Variants in PRR11 observed in about 807,000 individuals in gnomAD.
The protein encoded by PRR11 is proline-rich protein 11.
In PRR11, 30 loss-of-function variants were observed where a neutral mutation model predicts 45.6. The ratio of observed to expected loss-of-function variants is 0.66; its 90% CI spans 0.49 to 0.89. The LOEUF (loss-of-function observed/expected upper bound fraction) is 0.89, where lower values mean the gene tolerates loss of function less well. Ranked by LOEUF, PRR11 falls within the 40% of genes least tolerant of loss-of-function variation. PRR11 has a pLI of 0.00. For synonymous variants in PRR11, 128 were observed against 153.5 expected (o/e 0.83, Z 1.23); for missense variants, 373 against 424.8 (o/e 0.88, Z 1.07).
At chr17:59,183,182 C>T (rs542588238) in intron 2 of PRR11, among the ~76,000 whole-genome samples, 2 of 152,328 alleles carry the variant, frequency 1.3e-5, no homozygotes, top group South Asian at 4.1e-4. Context: ...TCTCCTGCCA[C>T]TGTCCCAACC....
intron 9 of PRR11, among the ~76,000 whole-genome samples, chr17:59,201,217 A>G (rs890677315): frequency 6.6e-6 from 1 of 152,108 alleles, no homozygotes; most frequent in Non-Finnish European, 1.5e-5. Flanking sequence ...GGCAGTAGGA[A>G]GTCCACAACT....
intron 1 of PRR11, among the ~76,000 whole-genome samples, chr17:59,156,919 G>C (rs1270618910): frequency 1.3e-5 from 2 of 152,156 alleles, no homozygotes; most frequent in Admixed American, 1.3e-4. Context: ...GAGCCACCAC[G>C]CTCGGCCGCA....
intron 1 of PRR11, among the ~76,000 whole-genome samples, chr17:59,165,916 T>G (rs1205983531): frequency 6.6e-6 from 1 of 152,198 alleles, no homozygotes; most frequent in African/African-American, 2.4e-5. Flanking sequence ...AAAGGTGAAG[T>G]CAGCCAACTA....
intron 1 of PRR11, among the ~76,000 whole-genome samples, chr17:59,162,961 C>CTCAGGTGA (rs2046661149): frequency 6.6e-6 from 1 of 152,066 alleles, no homozygotes; most frequent in Non-Finnish European, 1.5e-5. Context: ...AACTCCCGAC[C>CTCAGGTGA]TCAGGTGATC....
At chr17:59,168,541 C>T (rs112031406) in intron 1 of PRR11, among the ~76,000 whole-genome samples, 194 of 151,962 alleles carry the variant, frequency 1.3e-3, no homozygotes, top group Non-Finnish European at 2.2e-3. Flanking sequence ...TTTGGGATTA[C>T]GCCACCAGTG....
intron 7 of PRR11, among the ~76,000 whole-genome samples, chr17:59,196,521 C>T (rs746898385): frequency 2.0e-5 from 3 of 152,000 alleles, no homozygotes; most frequent in Non-Finnish European, 2.9e-5. Context: ...GGATTACAGG[C>T]GTGTGCCACA....
chr17:59,172,213 G>A (rs2046712752), intron 2 of PRR11, among the ~76,000 whole-genome samples: 1 of 152,230 alleles, frequency 6.6e-6, no homozygotes, highest in East Asian at 1.9e-4. Flanking sequence ...TGGCAACCAA[G>A]TCCATAGGAA....
rs1439996824 is a variant in PRR11, at chr17:59,171,462, G to T, written c.128+1582G>T. Among the ~76,000 whole-genome samples the T allele has an allele frequency of 2.0e-5, 3 of 152,044 alleles. No individual in the cohort carries two copies. In the South Asian group the frequency reaches 6.2e-4, roughly 31 times the overall value. On this transcript the variant is annotated intron_variant, in intron 2 of 9. Coordinates refer to ENST00000262293, the MANE Select transcript of PRR11 (RefSeq NM_018304.4). ...AGGAGTGCTCCCTTCAGCAGCACAT[G>T]TAACCATAGATACAAAGATTTAAAT...
chr17:59,199,153 T>C (rs1043716000), intron 9 of PRR11, among the ~76,000 whole-genome samples: 2 of 152,166 alleles, frequency 1.3e-5, no homozygotes, highest in Non-Finnish European at 2.9e-5. Context: ...TGATCTAGCC[T>C]GGATGATCTA....
chr17:59,175,309 A>G (rs1422328754), intron 2 of PRR11, among the ~76,000 whole-genome samples: 2 of 151,994 alleles, frequency 1.3e-5, no homozygotes, highest in Non-Finnish European at 2.9e-5. Flanking sequence ...GGCGTCTCCC[A>G]CTCCTTCAGG....
At chr17:59,172,592 T>C (rs1247639133) in intron 2 of PRR11, among the ~76,000 whole-genome samples, 2 of 152,146 alleles carry the variant, frequency 1.3e-5, no homozygotes, top group Non-Finnish European at 2.9e-5. Context: ...TGGGTGGGCG[T>C]GGTTTGGCGG....
intron 4 of PRR11, among the ~76,000 whole-genome samples, chr17:59,187,132 C>G (rs1325891647): frequency 2.6e-5 from 4 of 152,080 alleles, no homozygotes; most frequent in Non-Finnish European, 2.9e-5. Context: ...TCACTTGAAC[C>G]CGGAAAGTGG....
intron 1 of PRR11, among the ~76,000 whole-genome samples, chr17:59,165,354 G>A (rs2046674634): frequency 6.6e-6 from 1 of 151,474 alleles, no homozygotes; most frequent in Non-Finnish European, 1.5e-5. Context: ...TGTTTGTTTT[G>A]GAAACAAGGT....
chr17:59,162,249 CAGAGAGAG>C (rs1555714847), intron 1 of PRR11, among the ~76,000 whole-genome samples: 1 of 135,016 alleles, frequency 7.4e-6, no homozygotes, highest in African/African-American at 3.1e-5. Context: ...CACACACACA[CAGAGAGAG>C]AGAGAGAGAG....
chr17:59,171,035 G>A (rs1016447626), intron 2 of PRR11, among the ~76,000 whole-genome samples: 29 of 152,134 alleles, frequency 1.9e-4, no homozygotes, highest in Admixed American at 5.2e-4. Flanking sequence ...CGAGGCGGGC[G>A]GATCATGAGG....
In PRR11 at chr17:59,160,691, A is replaced by C. The variant is rs538147172; in HGVS notation, c.-6+4886A>C. ...AAAAGAAGATGTAAGTAAAAATGAG[A>C]GTAATTTCTAGAGATCATAGAGTTA... On this transcript the variant is annotated intron_variant, in intron 1 of 9. Transcript: ENST00000262293. 4.6e-5 allele frequency: 7 copies of C among 152,236 alleles called. No homozygotes were observed. In the South Asian group the frequency reaches 1.2e-3, roughly 27 times the overall value. The allele number at this position is 152,236 out of a possible 1,614,324, so 9.4% of individuals were successfully genotyped here.
At chr17:59,174,958 C>G in intron 2 of PRR11, 3 of 875,674 alleles carry the variant, frequency 3.4e-6, no homozygotes, top group Non-Finnish European at 5.4e-6. Flanking sequence ...ACCCCGCCTA[C>G]CTCCTCCAAC....
intron 1 of PRR11, among the ~76,000 whole-genome samples, chr17:59,156,862 C>T (rs920709111): frequency 1.6e-4 from 25 of 152,054 alleles, no homozygotes; most frequent in Non-Finnish European, 3.2e-4. Context: ...TTCCTGACCT[C>T]GTGATCCACC....
intron 4 of PRR11, among the ~76,000 whole-genome samples, chr17:59,187,606 T>A (rs967319292): frequency 2.0e-5 from 3 of 152,056 alleles, no homozygotes; most frequent in African/African-American, 7.2e-5. Flanking sequence ...GGCTCACGCT[T>A]GTAATCCCAG....
Sources: gnomAD v4.1 joint callset for allele counts (sites outside exome capture counted in the v4.1 genomes callset) on GRCh38, gnomAD v4.1.1 for gene constraint, MANE v1.5 for transcripts, NCBI Gene and HGNC (gene_info 2026-07-23, HGNC 2026-07-21) for gene names.